Variants in MGRN1 observed in about 807,000 individuals in gnomAD.
The protein encoded by MGRN1 is mahogunin ring finger 1, also known as E3 ubiquitin-protein ligase MGRN1.
Under a neutral mutation model 69.2 loss-of-function variants are expected in MGRN1, and 29 were observed. The ratio of observed to expected loss-of-function variants is 0.42; its 90% CI spans 0.31 to 0.57. The LOEUF (loss-of-function observed/expected upper bound fraction) is 0.57, where lower values mean the gene tolerates loss of function less well. Ranked by LOEUF, MGRN1 falls within the 20% of genes least tolerant of loss-of-function variation. MGRN1 has a pLI of 0.15. For synonymous variants in MGRN1, 470 were observed against 344.2 expected (o/e 1.37, Z -4.04); for missense variants, 998 against 796.2 (o/e 1.25, Z -3.05).
At chr16:4,672,128 T>C (rs1041262617) in intron 9 of MGRN1, among the ~76,000 whole-genome samples, 1 of 152,096 alleles carries the variant, frequency 6.6e-6, no homozygotes, top group African/African-American at 2.4e-5. Context: ...ATGGTCTTGA[T>C]CTCCTGACCT....
At chr16:4,687,997 C>G (rs2079372212) in intron 16 of MGRN1, 2 of 985,446 alleles carry the variant, frequency 2.0e-6, no homozygotes, top group Non-Finnish European at 2.4e-6. Context: ...TGTCACGATT[C>G]AGGTCAAGCT....
At chr16:4,683,774 C>T (rs2079243774) in intron 15 of MGRN1, 69 bp from the exon 16 acceptor site, 1 of 1,419,306 alleles carries the variant, frequency 7.0e-7, no homozygotes, top group Admixed American at 1.9e-5. Flanking sequence ...GAGACGGCCT[C>T]CTGCCCAGAG....
chr16:4,628,920 T>C (rs1183574652), intron 1 of MGRN1, among the ~76,000 whole-genome samples: 2 of 152,140 alleles, frequency 1.3e-5, no homozygotes, highest in Non-Finnish European at 1.5e-5. Context: ...TACTGCAACC[T>C]CTGCCTCCTG....
intron 1 of MGRN1, among the ~76,000 whole-genome samples, chr16:4,642,684 T>G (rs986561869): frequency 2.0e-5 from 3 of 151,890 alleles, no homozygotes; most frequent in African/African-American, 7.3e-5. Flanking sequence ...GGTCTTCAAC[T>G]CCTGACGGCA....
intron 1 of MGRN1, among the ~76,000 whole-genome samples, chr16:4,646,682 A>G (rs957086216): frequency 6.6e-6 from 1 of 152,176 alleles, no homozygotes; most frequent in Non-Finnish European, 1.5e-5. Flanking sequence ...TCACCTGGTC[A>G]GCCCTGTTCA....
intron 9 of MGRN1, chr16:4,672,654 C>G: frequency 5.8e-6 from 2 of 346,848 alleles, no homozygotes; most frequent in Non-Finnish European, 1.1e-5. Context: ...GCAGCGGGGA[C>G]TGTATAAAAA....
At chr16:4,664,412 G>A (rs1165025401) in intron 5 of MGRN1, 4 of 447,962 alleles carry the variant, frequency 8.9e-6, no homozygotes, top group Non-Finnish European at 1.6e-5. Flanking sequence ...TCCGTTTGGG[G>A]TGATGAAAAG....
At chr16:4,665,744 A>G (rs1394618756) in intron 7 of MGRN1, among the ~76,000 whole-genome samples, 1 of 141,348 alleles carries the variant, frequency 7.1e-6, no homozygotes, top group African/African-American at 2.7e-5. Flanking sequence ...ATCTGTGTTC[A>G]CTGCAACCTC....
Position 4,652,730 on chromosome 16 carries a change from C to G in MGRN1, c.349C>G (p.Leu117Val), listed in dbSNP as rs201676811. 7 of 1,613,232 alleles carry G rather than the reference C, an allele frequency of 4.3e-6. No homozygotes were observed. Among genetic ancestry groups the G allele is most frequent in the Non-Finnish European group, 5.1e-6 (6 of 1,179,604 alleles). ...PTEDGDKPRV[L>V]YSLEFTFDAD... ...CGAGGACGGCGACAAGCCCCGGGTG[C>G]TCTACAGCCTGGAGTTCACCTTCGA... Residue 117 changes from leucine (L) to valine (V), a missense_variant, in exon 4 of 17, where the codon CTC becomes GTC. Coordinates refer to ENST00000262370, the MANE Select transcript of MGRN1 (RefSeq NM_015246.4).
intron 2 of MGRN1, chr16:4,650,847 C>G (rs1222747591): frequency 6.1e-6 from 1 of 163,560 alleles, no homozygotes; most frequent in African/African-American, 2.4e-5. Flanking sequence ...TGGCTCACGC[C>G]TGTAATCCCA....
At chr16:4,651,414 C>T (rs1278046450) in intron 2 of MGRN1, among the ~76,000 whole-genome samples, 9 of 152,130 alleles carry the variant, frequency 5.9e-5, no homozygotes, top group African/African-American at 1.9e-4. Flanking sequence ...AAGGGAGGCT[C>T]TACTGGAGAG....
intron 1 of MGRN1, among the ~76,000 whole-genome samples, chr16:4,637,317 C>T (rs1450098419): frequency 6.6e-6 from 1 of 151,760 alleles, no homozygotes; most frequent in African/African-American, 2.4e-5. Flanking sequence ...GTAATCCTAG[C>T]TCCTGGGGAG....
rs1458311533 is a variant in MGRN1, at chr16:4,671,904, G to GT, written c.795+453dup. On this transcript the variant is annotated intron_variant, in intron 9 of 16. Transcript: ENST00000262370. ...GGGAATGTAGCAGGGGATGAAATTA[G>GT]TTTTTTTTGTTTTTGTTTTTTGAGT... 4.6e-5 allele frequency among the ~76,000 whole-genome samples: 7 copies of GT among 152,126 alleles called. No homozygotes were observed. In the South Asian group the frequency reaches 1.0e-3, roughly 23 times the overall value.
At chr16:4,681,369 C>A in intron 12 of MGRN1, 181 bp from the exon 13 acceptor site, 1 of 605,736 alleles carries the variant, frequency 1.7e-6, no homozygotes, top group Non-Finnish European at 2.9e-6. Context: ...CAGCCCCGTG[C>A]TGGAGCTGAT....
chr16:4,669,535 G>A (rs111789595), intron 8 of MGRN1, among the ~76,000 whole-genome samples: 3 of 151,646 alleles, frequency 2.0e-5, no homozygotes, highest in African/African-American at 2.4e-5. Flanking sequence ...TATGTTTTGC[G>A]TGCCCGCCAT....
chr16:4,650,704 CTG>C (rs1567191507), intron 2 of MGRN1: 4 of 425,310 alleles, frequency 9.4e-6, no homozygotes, highest in Non-Finnish European at 1.7e-5. Context: ...GGGCAGGTCA[CTG>C]AGAAACAGAG....
rs771211469 is a variant in MGRN1, at chr16:4,680,086, A to G, written c.1120A>G (p.Lys374Glu). ...HPASLASKKP[K>E]RETNSDSVPP... ...CGCCTCCCTGGCCAGCAAGAAACCT[A>G]AAAGGGAAACAGTAAGTGTCTGGTC... The change falls in exon 12 of 17, where the codon AAA becomes GAA. Residue 374 changes from lysine to glutamate, a missense_variant. By Grantham distance (56) the Lys-to-Glu change is moderately conservative (BLOSUM62 1). Coordinates refer to ENST00000262370, the MANE Select transcript of MGRN1 (RefSeq NM_015246.4). 6.2e-7 allele frequency: 1 copy of G among 1,613,954 alleles called. No individual in the cohort carries two copies. Among genetic ancestry groups the G allele is most frequent in the Non-Finnish European group, 8.5e-7 (1 of 1,179,894 alleles).
intron 14 of MGRN1, 53 bp from the exon 15 acceptor site, chr16:4,683,171 A>C: frequency 1.2e-6 from 2 of 1,603,608 alleles, no homozygotes; most frequent in Admixed American, 3.3e-5. Context: ...CTTGTCCTGG[A>C]GCGGTGGCCG....
chr16:4,626,600 A>G (rs1427948637), intron 1 of MGRN1, among the ~76,000 whole-genome samples: 1 of 152,226 alleles, frequency 6.6e-6, no homozygotes, highest in Non-Finnish European at 1.5e-5. Flanking sequence ...GACCATAATC[A>G]TAGTAAGCAG....
Sources: gnomAD v4.1 joint callset for allele counts (sites outside exome capture counted in the v4.1 genomes callset) on GRCh38, gnomAD v4.1.1 for gene constraint, MANE v1.5 for transcripts, NCBI Gene and HGNC (gene_info 2026-07-23, HGNC 2026-07-21) for gene names.